Variants in ERC2 observed in about 807,000 individuals in gnomAD.
ERC2 encodes ERC protein 2.
A neutral mutation model predicts 114.8 loss-of-function variants in ERC2; 42 were observed. The observed-to-expected ratio is 0.37, with a 90% CI of 0.29 to 0.47. The LOEUF is 0.47. ERC2 is among the 20% of genes least tolerant of loss of function. The pLI is 0.99. For missense variants in ERC2, 939 were observed against 1,150.7 expected, an observed-to-expected ratio of 0.82 and a Z score of 2.66; for synonymous variants, 454 against 425.5, an observed-to-expected ratio of 1.07 and a Z score of -0.82.
intron 14 of ERC2, among the ~76,000 whole-genome samples, chr3:55,816,616 C>A (rs1452099673): frequency 6.6e-6 from 1 of 152,170 alleles, no homozygotes; most frequent in Non-Finnish European, 1.5e-5. Flanking sequence ...CAGATGCAAT[C>A]TCATTTCCGC....
intron 17 of ERC2, among the ~76,000 whole-genome samples, chr3:55,531,792 C>T (rs746519775): frequency 2.0e-5 from 3 of 152,224 alleles, no homozygotes; most frequent in Non-Finnish European, 4.4e-5. Context: ...TGGGCCACCA[C>T]TGGCAATGAC....
chr3:56,447,176 T>C (rs909464917), intron 1 of ERC2, among the ~76,000 whole-genome samples: 1 of 152,228 alleles, frequency 6.6e-6, no homozygotes, highest in Non-Finnish European at 1.5e-5. Flanking sequence ...GCACACTGTG[T>C]CTGAGCTTGG....
intron 2 of ERC2, among the ~76,000 whole-genome samples, chr3:56,354,775 G>T (rs2058681162): frequency 6.6e-6 from 1 of 152,110 alleles, no homozygotes; most frequent in Admixed American, 6.6e-5. Context: ...GAAATTCTAG[G>T]CTTTACTTCT....
intron 2 of ERC2, among the ~76,000 whole-genome samples, chr3:56,322,779 G>A (rs894319899): frequency 3.3e-5 from 5 of 152,256 alleles, no homozygotes; most frequent in South Asian, 2.1e-4. Context: ...ATGATGTCAG[G>A]TAGAGTTCAC....
Position 55,888,535 on chromosome 3 carries a change from C to A in ERC2, c.2418G>T (p.Met806Ile), listed in dbSNP as rs762175541. 6.2e-7 allele frequency: 1 copy of A among 1,613,728 alleles called. No individual in the cohort carries two copies. Among genetic ancestry groups the A allele is most frequent in the East Asian group, 2.2e-5 (1 of 44,878 alleles). ...NSQHLQIEELMNALEKTRQEL... is the reference protein window; with the variant it reads ...NSQHLQIEELINALEKTRQEL... ...CCTGTCTGGTCTTCTCCAGTGCATT[C>A]ATCAGTTCCTCTATCTGAAAGGCAC... The change falls in exon 14 of 18, where the codon ATG becomes ATT. Residue 806 changes from methionine (M) to isoleucine (I), a missense_variant. Physicochemically the swap from Met to Ile is conservative, Grantham distance 10 (BLOSUM62 1). Transcript: ENST00000288221.
chr3:55,732,346 G>A (rs560641492), intron 15 of ERC2, among the ~76,000 whole-genome samples: 20 of 152,256 alleles, frequency 1.3e-4, no homozygotes, highest in African/African-American at 4.6e-4. Context: ...GTGGGGTGAG[G>A]AAGGATATCA....
chr3:56,420,707 A>G (rs1174750919), intron 2 of ERC2, among the ~76,000 whole-genome samples: 1 of 151,262 alleles, frequency 6.6e-6, no homozygotes, highest in Non-Finnish European at 1.5e-5. Context: ...AACACGGTGA[A>G]ACCCCGTCTC....
At chr3:56,026,057 C>CTTT (rs59635680) in intron 7 of ERC2, among the ~76,000 whole-genome samples, 663 of 69,076 alleles carry the variant, frequency 9.6e-3, no homozygotes, top group Middle Eastern at 0.023. Context: ...CCGTTTCTTT[C>CTTT]TTTTTTTTTT....
At chr3:55,884,566 C>A (rs1030898495) in intron 14 of ERC2, among the ~76,000 whole-genome samples, 2 of 151,926 alleles carry the variant, frequency 1.3e-5, no homozygotes, top group African/African-American at 4.8e-5. Flanking sequence ...AAAACCAAGA[C>A]AAATGGAAAG....
chr3:56,371,653 G>T (rs1430943099), intron 2 of ERC2, among the ~76,000 whole-genome samples: 1 of 152,206 alleles, frequency 6.6e-6, no homozygotes, highest in African/African-American at 2.4e-5. Flanking sequence ...TTTTCAGTGA[G>T]GCAGTACATT....
intron 14 of ERC2, among the ~76,000 whole-genome samples, chr3:55,827,569 G>A (rs2060382923): frequency 1.3e-5 from 2 of 152,312 alleles, no homozygotes; most frequent in South Asian, 2.1e-4. Flanking sequence ...GGGTAAAGAT[G>A]TTGATTGAAT....
intron 3 of ERC2, among the ~76,000 whole-genome samples, chr3:56,286,792 C>T (rs868241100): frequency 1.3e-5 from 2 of 152,028 alleles, no homozygotes; most frequent in South Asian, 4.1e-4. Flanking sequence ...ATGCTGCAGG[C>T]CACATTTGGC....
chr3:56,008,023 T>C (rs924883267), intron 9 of ERC2, among the ~76,000 whole-genome samples: 1 of 152,094 alleles, frequency 6.6e-6, no homozygotes, highest in Non-Finnish European at 1.5e-5. Flanking sequence ...CAGAAATAAA[T>C]AACTTGCATA....
At chr3:55,744,194 G>A (rs539269668) in intron 14 of ERC2, among the ~76,000 whole-genome samples, 5 of 152,220 alleles carry the variant, frequency 3.3e-5, no homozygotes, top group African/African-American at 1.2e-4. Context: ...CCTGAGGTCA[G>A]GAGTTCGAGA....
At chr3:55,783,745 T>C (rs2069250578) in intron 14 of ERC2, among the ~76,000 whole-genome samples, 2 of 152,152 alleles carry the variant, frequency 1.3e-5, no homozygotes, top group South Asian at 2.1e-4. Flanking sequence ...TGACAAAGTC[T>C]CATCACTTGC....
intron 4 of ERC2, among the ~76,000 whole-genome samples, chr3:56,152,954 G>A (rs186081604): frequency 1.8e-4 from 28 of 152,206 alleles, no homozygotes; most frequent in Middle Eastern, 3.4e-3. Flanking sequence ...TAGGCCCACC[G>A]CACTAATGTC....
At chr3:55,950,702 T>C in intron 12 of ERC2, 142 bp from the exon 13 acceptor site, 2 of 951,594 alleles carry the variant, frequency 2.1e-6, no homozygotes, top group Non-Finnish European at 3.1e-6. Flanking sequence ...ATCCATTCAT[T>C]CAACTACAAA....
chr3:56,199,479 T>C (rs2048289905), intron 3 of ERC2, among the ~76,000 whole-genome samples: 1 of 151,858 alleles, frequency 6.6e-6, no homozygotes, highest in African/African-American at 2.4e-5. Flanking sequence ...ATTGAATATG[T>C]TCAAGCAGAA....
chr3:55,972,720 A>G lies in ERC2; in HGVS notation c.2267+13257T>C, dbSNP rs1576412110. Among the ~76,000 whole-genome samples the G allele has an allele frequency of 2.0e-5, 3 of 152,348 alleles. No homozygotes were observed. The South Asian group carries it at 6.2e-4, about 32-fold the overall frequency. On this transcript the variant is annotated intron_variant, in intron 12 of 17. Transcript: ENST00000288221. ...GTTCCAAGTCTTTGCTATTGTAAAT[A>G]GTGCTGCAGTAAACATATGTGTGCA... is the stretch of plus-strand genomic sequence containing the variant.
Sources: gnomAD v4.1 joint callset for allele counts (sites outside exome capture counted in the v4.1 genomes callset) on GRCh38, gnomAD v4.1.1 for gene constraint, MANE v1.5 for transcripts, NCBI Gene and HGNC (gene_info 2026-07-23, HGNC 2026-07-21) for gene names.